Variants in MUC12 observed in about 807,000 individuals in gnomAD.
MUC12 encodes mucin 12, cell surface associated.
MUC12 carries 172 observed loss-of-function variants against 230.8 expected under a neutral mutation model. The observed-to-expected ratio is 0.75, with a 90% CI of 0.66 to 0.85. MUC12 has a LOEUF of 0.85. MUC12 is among the 40% of genes least tolerant of loss of function. The pLI, the probability that MUC12 is intolerant of heterozygous loss-of-function variation, is 0.00. For synonymous variants in MUC12, 1,259 were observed against 2,401.9 expected (o/e 0.52, Z 13.91); for missense variants, 3,506 against 5,920.6 (o/e 0.59, Z 13.38).
At position 101,015,661 on chromosome 7, in the gene MUC12, G is replaced by A. The variant is rs1793905307; in HGVS notation, c.15847G>A (p.Gly5283Ser). 6.5e-7 allele frequency: 1 copy of A among 1,537,674 alleles called. No homozygotes were observed. Among genetic ancestry groups the A allele is most frequent in the East Asian group, 2.4e-5 (1 of 40,920 alleles). The change falls in exon 10 of 12, where the codon GGC (glycine) becomes AGC (serine). Residue 5283 changes from glycine (G) to serine (S), a missense_variant. By Grantham distance (56) the Gly-to-Ser change is moderately conservative (BLOSUM62 0). Transcript: ENST00000536621. ...AGAGTGGCGAAAGGAAGGCACCCCTGGCATCTTCCAGAAGACGGCCATCTG... is the reference window on the plus strand; with the variant it reads ...AGAGTGGCGAAAGGAAGGCACCCCTAGCATCTTCCAGAAGACGGCCATCTG... ...PQEWRKEGTP[G>S]IFQKTAIWED... is the part of the protein sequence containing the mutation.
Position 101,015,607 on chromosome 7 carries a change from G to A in MUC12, c.15801-8G>A, listed in dbSNP as rs1471460326. The A allele has an allele frequency of 4.6e-6, 7 of 1,537,486 alleles. No individual in the cohort carries two copies. The South Asian group carries it at 8.3e-5, about 18-fold the overall frequency. On this transcript the variant is annotated splice_polypyrimidine_tract_variant and splice_region_variant and intron_variant, in intron 9 of 11. Transcript: ENST00000536621. ...GCCTACAGCTGCTCAAGGCATTTCTGTCTGCAGGGAACAGTATGATGTGCC... is the reference window on the plus strand; with the variant it reads ...GCCTACAGCTGCTCAAGGCATTTCTATCTGCAGGGAACAGTATGATGTGCC...
rs928680101 is a variant in MUC12 at position 100,995,650 on chromosome 7, A to T, written c.5087A>T (p.Lys1696Met). 1.6e-5 allele frequency: 25 copies of T among 1,537,064 alleles called. No individual in the cohort carries two copies. The highest frequency in any genetic ancestry group is 2.1e-5 in the Non-Finnish European group (24 of 1,147,084). Residue 1696 changes from lysine to methionine, a missense_variant, in exon 2 of 12, where the codon AAG (lysine) becomes ATG (methionine). Coordinates refer to ENST00000536621, the MANE Select transcript of MUC12 (RefSeq NM_001164462.2). ...STTFQSWPSSKDTMPAPPTTT... is the reference protein window; with the variant it reads ...STTFQSWPSSMDTMPAPPTTT... ...ACCTTCCAGAGCTGGCCAAGCTCAA[A>T]GGACACTATGCCTGCACCTCCTACT...
chr7:100,989,096 C>CTT lies in MUC12; in HGVS notation c.68-1534_68-1533dup, dbSNP rs201150884. On this transcript the variant is annotated intron_variant, in intron 1 of 11. Transcript: ENST00000536621. ...GTCTCTGGTATGTCTTCTTCCTCTT[C>CTT]TTCTTTTTTTTTTTTTTTTTTTGAG... is the stretch of plus-strand genomic sequence containing the variant. Among the ~76,000 whole-genome samples the CTT allele has an allele frequency of 9.4e-4, 127 of 135,004 alleles. 4 individuals carry two copies. The highest frequency in any genetic ancestry group is 1.2e-3 in the Non-Finnish European group (78 of 62,972). The allele number at this position is 135,004 out of a possible 152,430, so 88.6% of individuals were successfully genotyped here. A position where few individuals can be genotyped will look rare whatever the true frequency, so the allele number is the denominator to read the frequency against.
chr7:100,969,983 A>AC, intron 1 of MUC12, among the ~76,000 whole-genome samples: 4 of 152,282 alleles, frequency 2.6e-5, no homozygotes, highest in East Asian at 1.9e-4. Context: ...CGGGAGGATG[A>AC]AGGGGCTTTT....
rs761189542 is a variant in MUC12 at position 100,991,837 on chromosome 7, G to A, written c.1274G>A (p.Arg425His). The change falls in exon 2 of 12, where the codon CGT becomes CAT. Residue 425 changes from arginine to histidine, a missense_variant. Transcript: ENST00000536621. ...GGCTCAACTGAAACAACACACTTCC[G>A]TGATAGCTCCACAATCTCAGGCCGT... ...SLGSTETTHF[R>H]DSSTISGRSE... The A allele has an allele frequency of 8.2e-5, 126 of 1,537,236 alleles. No homozygotes were observed. The highest frequency in any genetic ancestry group is 9.8e-5 in the East Asian group (4 of 40,922).
Position 101,009,158 on chromosome 7 carries a change from CTG to C in MUC12, c.15251+2_15251+3del. The C allele has an allele frequency of 6.5e-7, 1 of 1,537,676 alleles. No individual in the cohort carries two copies. The highest frequency in any genetic ancestry group is 1.2e-5 in the South Asian group (1 of 84,054). The stretch of plus-strand genomic sequence containing the variant: ...TAGAGGGGTGAACATTCGGAGATTG[CTG>C]TGAGTATATTGGGGGGCAGGTTTAT... On this transcript the variant is annotated splice_donor_variant and coding_sequence_variant, in exon 5 of 12. Coordinates refer to ENST00000536621, the MANE Select transcript of MUC12 (RefSeq NM_001164462.2). LOFTEE classifies it high-confidence loss of function.
intron 9 of MUC12, chr7:101,015,412 GCA>G: frequency 1.7e-6 from 1 of 576,944 alleles, no homozygotes; most frequent in Non-Finnish European, 3.1e-6. Context: ...GGAGTGAGGG[GCA>G]GCCAGGAGGC....
In MUC12 at chr7:101,005,381, C is replaced by G; in HGVS notation, c.14818C>G (p.Pro4940Ala). ...VGEPTTFYISPSPTYTTLFPA... is the reference protein window; with the variant it reads ...VGEPTTFYISASPTYTTLFPA... The stretch of plus-strand genomic sequence containing the variant: ...AGAACCTACAACTTTCTACATCAGC[C>G]CATCCCCTACTTACACAACACTCTT... The change falls in exon 2 of 12, where the codon CCA becomes GCA. Residue 4940 changes from proline (P) to alanine (A), a missense_variant. Coordinates refer to ENST00000536621, the MANE Select transcript of MUC12 (RefSeq NM_001164462.2). 6.5e-7 allele frequency: 1 copy of G among 1,537,802 alleles called. No individual in the cohort carries two copies. The highest frequency in any genetic ancestry group is 8.7e-7 in the Non-Finnish European group (1 of 1,147,048).
chr7:100,977,203 G>A (rs1793046329), intron 1 of MUC12, among the ~76,000 whole-genome samples: 1 of 151,932 alleles, frequency 6.6e-6, no homozygotes, highest in East Asian at 1.9e-4. Context: ...GTGTGTATGT[G>A]TTCCCTAGGT....
chr7:100,991,564 A>T lies in MUC12; in HGVS notation c.1001A>T (p.His334Leu). The T allele has an allele frequency of 6.5e-7, 1 of 1,537,388 alleles. No individual in the cohort carries two copies. Among genetic ancestry groups the T allele is most frequent in the Non-Finnish European group, 8.7e-7 (1 of 1,146,656 alleles). The change falls in exon 2 of 12, where the codon CAC (histidine) becomes CTC (leucine). Residue 334 changes from histidine (H) to leucine (L), a missense_variant. His to Leu is a moderately conservative substitution (Grantham distance 99). Transcript: ENST00000536621. ...CATAGTGAGGAATCGACACCAGTCCACAGCAGCCCAGTTGCAACTGCAACA... is the reference window on the plus strand; with the variant it reads ...CATAGTGAGGAATCGACACCAGTCCTCAGCAGCCCAGTTGCAACTGCAACA... ...LGHSEESTPVHSSPVATATTP... is the reference protein window; with the variant it reads ...LGHSEESTPVLSSPVATATTP...
chr7:100,995,865 G>T lies in MUC12; in HGVS notation c.5302G>T (p.Glu1768Ter). 1 of 1,446,510 alleles carries T rather than the reference G, an allele frequency of 6.9e-7. No individual in the cohort carries two copies. Among genetic ancestry groups the T allele is most frequent in the Non-Finnish European group, 9.3e-7 (1 of 1,080,394 alleles). The allele number at this position is 1,446,510 out of a possible 1,614,324, so 89.6% of individuals were successfully genotyped here. A position where few individuals can be genotyped will look rare whatever the true frequency, so the allele number is the denominator to read the frequency against. Residue 1768 changes from glutamate (E) to a stop codon, truncating the protein, a stop_gained, in exon 2 of 12, where the codon GAA becomes TAA. Transcript: ENST00000536621. LOFTEE classifies it high-confidence loss of function. Reference protein sequence around the residue: ...ARSTTSGLVEESTAYHSSPGS... With the variant: ...ARSTTSGLVE ...CTCCACAACCTCAGGCCTCGTTGAA[G>T]AATCTACGGCGTACCACAGCAGCCC...
At chr7:101,018,514 G>T (rs908379258) in intron 11 of MUC12, 81 bp from the exon 12 acceptor site, 18 of 882,674 alleles carry the variant, frequency 2.0e-5, no homozygotes, top group Non-Finnish European at 2.5e-5. Flanking sequence ...CCTCCTCCCC[G>T]CCAGGGCTCC....
In MUC12 at chr7:100,991,475, T is replaced by A. The variant is rs61742942; in HGVS notation, c.912T>A (p.Thr304=). 2 of 1,537,656 alleles carry A rather than the reference T, an allele frequency of 1.3e-6. No individual in the cohort carries two copies. Among genetic ancestry groups the A allele is most frequent in the South Asian group, 2.4e-5 (2 of 84,050 alleles). ...CAGCCTTTGTTAAACTATCTACAAC[T>A]TATCACAGCAGCCCGAGCTCAACTC... is the stretch of plus-strand genomic sequence containing the variant. The part of the protein sequence containing the change: ...TTSAFVKLST[T]YHSSPSSTPT... Residue 304 remains threonine (T), a synonymous_variant, in exon 2 of 12, where the codon ACT becomes ACA. Coordinates refer to ENST00000536621, the MANE Select transcript of MUC12 (RefSeq NM_001164462.2).
In MUC12 at chr7:100,991,209, T is replaced by A. The variant is rs891947782; in HGVS notation, c.646T>A (p.Ser216Thr). The A allele has an allele frequency of 5.2e-6, 8 of 1,537,098 alleles. No homozygotes were observed. The African/African-American group carries it at 1.1e-4, about 21-fold the overall frequency. ...GTCCCCTGGCACTACCACACCATCA[T>A]CCCTTGGTCCAGAATCTACTACCTT... Reference protein sequence around the residue: ...TLSPGTTTPSSLGPESTTFHS... With the variant: ...TLSPGTTTPSTLGPESTTFHS... The change falls in exon 2 of 12, where the codon TCC becomes ACC. Residue 216 changes from serine (S) to threonine (T), a missense_variant. Ser to Thr is a moderately conservative substitution (Grantham distance 58). Transcript: ENST00000536621.
chr7:100,990,752 T>C lies in MUC12; in HGVS notation c.189T>C (p.Thr63=). ...GVSVTFITGS[T]ATKHFLDSST... ...CAGTCACATTTATCACGGGCTCAACTGCAACAAAACACTTCCTTGACAGCT... is the reference window on the plus strand; with the variant it reads ...CAGTCACATTTATCACGGGCTCAACCGCAACAAAACACTTCCTTGACAGCT... Residue 63 remains threonine, a synonymous_variant, in exon 2 of 12, where the codon ACT becomes ACC. Coordinates refer to ENST00000536621, the MANE Select transcript of MUC12 (RefSeq NM_001164462.2). The C allele has an allele frequency of 2.0e-6, 3 of 1,537,858 alleles. No homozygotes were observed. The highest frequency in any genetic ancestry group is 2.6e-6 in the Non-Finnish European group (3 of 1,147,050).
rs367847178 is a variant in MUC12, at chr7:101,004,871, T to C, written c.14308T>C (p.Tyr4770His). The C allele has an allele frequency of 1.3e-6, 2 of 1,536,994 alleles. No individual in the cohort carries two copies. The highest frequency in any genetic ancestry group is 1.2e-5 in the South Asian group (1 of 84,028). Residue 4770 changes from tyrosine to histidine, a missense_variant, in exon 2 of 12, where the codon TAT becomes CAT. By Grantham distance (83) the Tyr-to-His change is moderately conservative (BLOSUM62 2). Transcript: ENST00000536621. The part of the protein sequence containing the change: ...SSISGEPTSL[Y>H]SQAESTHTTA... ...CATCAGTGGAGAACCCACCAGCTTG[T>C]ATAGCCAAGCAGAGTCAACACACAC...
rs10247974 is a variant in MUC12, at chr7:100,993,912, C to A, written c.3349C>A (p.Pro1117Thr). Reference protein sequence around the residue: ...SPRSPTTTLSPASMTSLGVGE... With the variant: ...SPRSPTTTLSTASMTSLGVGE... ...CAGATCACCAACCACAACACTCTCA[C>A]CTGCCAGCATGACAAGCCTGGGCGT... The change falls in exon 2 of 12, where the codon CCT becomes ACT. Residue 1117 changes from proline to threonine, a missense_variant. Pro to Thr is a conservative substitution (Grantham distance 38). Coordinates refer to ENST00000536621, the MANE Select transcript of MUC12 (RefSeq NM_001164462.2). 318,246 of 1,474,624 alleles carry A rather than the reference C, an allele frequency of 0.22. 22,314 individuals carry two copies. Among genetic ancestry groups the A allele is most frequent in the Admixed American group, 0.44 (20,398 of 46,008 alleles). 91.3% of individuals were successfully genotyped at this position (1,474,624 alleles called of 1,614,324 possible). A position where few individuals can be genotyped will look rare whatever the true frequency, so the allele number is the denominator to read the frequency against.
At position 101,006,455 on chromosome 7, in the gene MUC12, T is replaced by C. The variant is rs1216766604; in HGVS notation, c.14957-16T>C. On this transcript the variant is annotated splice_polypyrimidine_tract_variant and intron_variant, in intron 2 of 11. Coordinates refer to ENST00000536621, the MANE Select transcript of MUC12 (RefSeq NM_001164462.2). ...GGGCTCCCACGGTGACTGCTGTGGA[T>C]TCTATCTCTCCACAGGGTTGTGCCA... 1.3e-6 allele frequency: 2 copies of C among 1,519,078 alleles called. No homozygotes were observed. The highest frequency in any genetic ancestry group is 1.8e-6 in the Non-Finnish European group (2 of 1,130,520). 94.1% of individuals were successfully genotyped at this position (1,519,078 alleles called of 1,614,324 possible). A position where few individuals can be genotyped will look rare whatever the true frequency, so the allele number is the denominator to read the frequency against.
At chr7:101,007,895 T>A (rs1241924735) in intron 3 of MUC12, among the ~76,000 whole-genome samples, 3 of 151,222 alleles carry the variant, frequency 2.0e-5, no homozygotes, top group African/African-American at 7.3e-5. Flanking sequence ...CCTCCCAGGT[T>A]CATGCCATTC....
Sources: gnomAD v4.1 joint callset for allele counts (sites outside exome capture counted in the v4.1 genomes callset) on GRCh38, gnomAD v4.1.1 for gene constraint, MANE v1.5 for transcripts, NCBI Gene and HGNC (gene_info 2026-07-23, HGNC 2026-07-21) for gene names.